Variants in CHN2 observed in about 807,000 individuals in gnomAD.
CHN2 encodes the protein chimerin 2.
CHN2 carries 35 observed loss-of-function variants against 56.3 expected under a neutral mutation model. The observed-to-expected ratio is 0.62, with a 90% CI of 0.47 to 0.82. The LOEUF (loss-of-function observed/expected upper bound fraction) is 0.82. Ranked by LOEUF, CHN2 falls within the 40% of genes least tolerant of loss-of-function variation. The pLI is 0.00. For synonymous variants in CHN2, 210 were observed against 212.8 expected, an observed-to-expected ratio of 0.99 and a Z score of 0.12; for missense variants, 491 against 580.5, an observed-to-expected ratio of 0.85 and a Z score of 1.58.
intron 1 of CHN2, among the ~76,000 whole-genome samples, chr7:29,233,141 C>A (rs1239619515): frequency 6.6e-6 from 1 of 152,202 alleles, no homozygotes; most frequent in Non-Finnish European, 1.5e-5. Flanking sequence ...CTGCACCTTG[C>A]CACCAAACTA....
intron 3 of CHN2, among the ~76,000 whole-genome samples, chr7:29,369,079 G>A (rs77835982): frequency 0.03 from 4,505 of 152,082 alleles, 234 homozygotes; most frequent in African/African-American, 0.1. Context: ...CAAATCCAAT[G>A]ATATTCAATA....
intron 1 of CHN2, among the ~76,000 whole-genome samples, chr7:29,260,122 C>T (rs1789415162): frequency 6.6e-6 from 1 of 152,184 alleles, no homozygotes; most frequent in South Asian, 2.1e-4. Flanking sequence ...GAATTACAGG[C>T]ACCCACCATC....
At chr7:29,188,197 A>G (rs1380698500) in intron 2 of CHN2, among the ~76,000 whole-genome samples, 1 of 152,238 alleles carries the variant, frequency 6.6e-6, no homozygotes, top group Non-Finnish European at 1.5e-5. Flanking sequence ...CTGGACTTTT[A>G]TGCTTTAGAC....
Position 29,173,306 on chromosome 7 carries a change from G to C in CHN2, c.274+26346G>C, listed in dbSNP as rs572689662. On this transcript the variant is annotated intron_variant, in intron 2 of 6. Coordinates refer to the CHN2 transcript ENST00000439384. The stretch of plus-strand genomic sequence containing the variant: ...CCCTGAATGCATCTGCCAGGTGCTG[G>C]TAGCCTCGAGTGGGGGCCTAACTTT... 8.5e-5 allele frequency among the ~76,000 whole-genome samples: 13 copies of C among 152,206 alleles called. No individual in the cohort carries two copies. In the South Asian group the frequency reaches 2.7e-3, roughly 32 times the overall value.
intron 6 of CHN2, among the ~76,000 whole-genome samples, chr7:29,462,957 C>G (rs1315899361): frequency 7.8e-6 from 1 of 127,686 alleles, no homozygotes; most frequent in Non-Finnish European, 1.6e-5. Flanking sequence ...ACAAGTTTAT[C>G]CGGGTTCCCA....
chr7:29,383,236 GTGTGTGTGTGCGTA>G (rs1453758953), intron 3 of CHN2, among the ~76,000 whole-genome samples: 2 of 152,122 alleles, frequency 1.3e-5, no homozygotes, highest in South Asian at 2.1e-4. Context: ...GTGTGTGTAT[GTGTGTGTGTGCGTA>G]TGTGTGTGTT....
At chr7:29,347,632 G>A (rs915307608) in intron 1 of CHN2, among the ~76,000 whole-genome samples, 19 of 152,198 alleles carry the variant, frequency 1.2e-4, no homozygotes, top group East Asian at 7.7e-4. Context: ...ACCTCCTACC[G>A]GGGTCCCTCC....
At chr7:29,445,599 T>A (rs1484007145) in intron 6 of CHN2, among the ~76,000 whole-genome samples, 2 of 152,218 alleles carry the variant, frequency 1.3e-5, no homozygotes, top group African/African-American at 2.4e-5. Flanking sequence ...GACCGTTTTT[T>A]CTTTTTTAAG....
At chr7:29,214,559 C>T (rs1419858795) in intron 1 of CHN2, among the ~76,000 whole-genome samples, 1 of 152,130 alleles carries the variant, frequency 6.6e-6, no homozygotes, top group Non-Finnish European at 1.5e-5. Flanking sequence ...CTGTAATGCT[C>T]ATCTTCTTGT....
At chr7:29,273,371 A>ATATGTG (rs1167197865) in intron 1 of CHN2, among the ~76,000 whole-genome samples, 38 of 48,636 alleles carry the variant, frequency 7.8e-4, no homozygotes, top group Non-Finnish European at 8.4e-4. Context: ...ATATATATAT[A>ATATGTG]TATATATATA....
chr7:29,156,224 C>T (rs937972646), intron 2 of CHN2, among the ~76,000 whole-genome samples: 1 of 152,228 alleles, frequency 6.6e-6, no homozygotes, highest in Non-Finnish European at 1.5e-5. Flanking sequence ...AGAAGTTCTT[C>T]TGTGGCCTGT....
At position 29,146,983 on chromosome 7, in the gene CHN2, T is replaced by C. The variant is rs576876774; in HGVS notation, c.274+23T>C. The C allele has an allele frequency of 9.9e-4, 1,538 of 1,550,834 alleles. 9 individuals carry two copies. Among genetic ancestry groups the C allele is most frequent in the East Asian group, 8.3e-3 (339 of 40,916 alleles). On this transcript the variant is annotated intron_variant, in intron 2 of 6. Transcript: ENST00000439384. ...GCAGTAAGCTCGCACCAAGTGCCACTGTCCTGCCAAGCACTCTCCTGAATC... is the reference window on the plus strand; with the variant it reads ...GCAGTAAGCTCGCACCAAGTGCCACCGTCCTGCCAAGCACTCTCCTGAATC...
intron 1 of CHN2, among the ~76,000 whole-genome samples, chr7:29,297,271 AC>A (rs1045185664): frequency 6.6e-6 from 1 of 151,808 alleles, no homozygotes; most frequent in Non-Finnish European, 1.5e-5. Context: ...CTGTGGCCTC[AC>A]CCCCCATTCT....
At chr7:29,222,879 G>A (rs1360500461) in intron 1 of CHN2, among the ~76,000 whole-genome samples, 1 of 152,144 alleles carries the variant, frequency 6.6e-6, no homozygotes, top group African/African-American at 2.4e-5. Context: ...AAGATAGTAT[G>A]ATATTGGCTC....
At chr7:29,313,625 C>G (rs186290844) in intron 1 of CHN2, among the ~76,000 whole-genome samples, 15 of 152,250 alleles carry the variant, frequency 9.9e-5, no homozygotes, top group Admixed American at 7.8e-4. Context: ...TTTGACCAAC[C>G]CTGGAAGCAA....
intron 2 of CHN2, among the ~76,000 whole-genome samples, chr7:29,362,473 CAG>C (rs1249519416): frequency 1.3e-5 from 2 of 152,192 alleles, no homozygotes; most frequent in African/African-American, 4.8e-5. Flanking sequence ...TATTTTAAAA[CAG>C]AGTAGATCAT....
chr7:29,391,909 C>T (rs997789091), intron 3 of CHN2, among the ~76,000 whole-genome samples: 5 of 152,210 alleles, frequency 3.3e-5, no homozygotes, highest in South Asian at 2.1e-4. Context: ...CATCTATTAA[C>T]TGTTTACCTG....
intron 6 of CHN2, among the ~76,000 whole-genome samples, chr7:29,418,479 AG>A (rs1434538634): frequency 1.3e-5 from 2 of 152,262 alleles, no homozygotes; most frequent in Non-Finnish European, 2.9e-5. Context: ...CTAATTCCAT[AG>A]TTAGCTGAGC....
chr7:29,483,481 G>A (rs963887615), intron 7 of CHN2, among the ~76,000 whole-genome samples: 1 of 152,178 alleles, frequency 6.6e-6, no homozygotes, highest in African/African-American at 2.4e-5. Flanking sequence ...GTGTGCTGAT[G>A]CAATCTTTGC....
Sources: allele counts gnomAD v4.1 joint callset (sites outside exome capture counted in the v4.1 genomes callset), GRCh38; gene constraint gnomAD v4.1.1; transcripts MANE v1.5; gene names NCBI Gene and HGNC (gene_info 2026-07-23, HGNC 2026-07-21).